RPL7: variants seen among roughly 807,000 people sequenced by gnomAD.
The protein encoded by RPL7 is ribosomal protein L7, also known as large ribosomal subunit protein uL30.
For missense variants in RPL7, 205 were observed against 301.9 expected, an observed-to-expected ratio of 0.68 and a Z score of 2.38; for synonymous variants, 100 against 102.2, an observed-to-expected ratio of 0.98 and a Z score of 0.13.
intron 3 of RPL7, 40 bp from the exon 4 acceptor site, chr8:73,291,950 C>A: frequency 6.3e-6 from 10 of 1,599,326 alleles, no homozygotes; most frequent in Non-Finnish European, 8.6e-6. Context: ...TGCCTTTCAT[C>A]GAAATTTTTA....
chr8:73,292,284 T>C lies in RPL7; in HGVS notation c.245A>G (p.Tyr82Cys), dbSNP rs748941975. The C allele has an allele frequency of 3.5e-5, 56 of 1,612,936 alleles. No individual in the cohort carries two copies. Among genetic ancestry groups the C allele is most frequent in the African/African-American group, 5.3e-5 (4 of 74,798 alleles). The change falls in exon 3 of 7, where the codon TAT (tyrosine) becomes TGT (cysteine). Residue 82 changes from tyrosine (Y) to cysteine (C), a missense_variant. Physicochemically the swap from Tyr to Cys is radical, Grantham distance 194. Transcript: ENST00000352983. ...CGCCAATTTGGGTTCTGCAGGTACA[T>C]AGAAGTTGCCAGCTTTTCTTGCCAT... ...ARMARKAGNFYVPAEPKLAFV... is the reference protein window; with the variant it reads ...ARMARKAGNFCVPAEPKLAFV...
chr8:73,292,686 T>A lies in RPL7; in HGVS notation c.123+3A>T. ...GTGCTAGTGCCTCAAAAAGTTTACT[T>A]ACCATCTTTTGGGCAAACTTCTTTC... On this transcript the variant is annotated splice_donor_region_variant and intron_variant, in intron 2 of 6. Transcript: ENST00000352983. 6.2e-7 allele frequency: 1 copy of A among 1,607,974 alleles called. No individual in the cohort carries two copies. The highest frequency in any genetic ancestry group is 8.5e-7 in the Non-Finnish European group (1 of 1,177,230).
upstream of RPL7, chr8:73,293,637 T>A (rs148142039): frequency 9.2e-5 from 148 of 1,613,432 alleles, no homozygotes; most frequent in East Asian, 3.2e-3. Flanking sequence ...AAAGAGGAAG[T>A]TGGCGCATGC....
chr8:73,291,303 A>C, intron 5 of RPL7, 51 bp from the exon 6 acceptor site: 3 of 1,446,836 alleles, frequency 2.1e-6, no homozygotes, highest in Non-Finnish European at 2.8e-6. Flanking sequence ...AAAGTTTTGA[A>C]ATAATTATTC....
intron 6 of RPL7, 50 bp from the exon 7 acceptor site, chr8:73,290,755 T>G: frequency 3.2e-6 from 1 of 312,868 alleles, no homozygotes. Flanking sequence ...CAGCTAACAA[T>G]TAACATAAAC....
intron 5 of RPL7, 120 bp downstream of exon 5, chr8:73,291,432 G>T: frequency 1.1e-6 from 1 of 898,744 alleles, no homozygotes; most frequent in Admixed American, 2.8e-5. Flanking sequence ...TTTCTTTTAA[G>T]CTAAATCAAG....
Position 73,290,338 on chromosome 8 carries a change from T to C in RPL7, c.*369A>G, listed in dbSNP as rs1814068740. The C allele has an allele frequency of 6.6e-6, 1 of 152,222 alleles. No individual in the cohort carries two copies. Among genetic ancestry groups the C allele is most frequent in the African/African-American group, 2.4e-5 (1 of 41,456 alleles). 9.4% of individuals were successfully genotyped at this position (152,222 alleles called of 1,614,324 possible). On this transcript the variant is annotated 3_prime_UTR_variant, in exon 7 of 7. Coordinates refer to ENST00000352983, the MANE Select transcript of RPL7 (RefSeq NM_000971.4). ...TAGCAACTAAATTCAATTTTTTCCATAAACCAAAGTTGGATTACCTTACCG... is the reference window on the plus strand; with the variant it reads ...TAGCAACTAAATTCAATTTTTTCCACAAACCAAAGTTGGATTACCTTACCG...
At chr8:73,292,615 C>A in intron 2 of RPL7, 74 bp downstream of exon 2, 1 of 1,199,494 alleles carries the variant, frequency 8.3e-7, no homozygotes, top group South Asian at 1.4e-5. Flanking sequence ...TAAATCTTGC[C>A]AAGAACATTC....
At chr8:73,292,647 A>C in intron 2 of RPL7, 42 bp downstream of exon 2, 1 of 1,426,750 alleles carries the variant, frequency 7.0e-7, no homozygotes, top group Non-Finnish European at 9.8e-7. Context: ...AATCCCAATA[A>C]GGCGCCTCCT....
intron 6 of RPL7, 149 bp downstream of exon 6, chr8:73,290,894 G>C: frequency 1.5e-6 from 1 of 650,516 alleles, no homozygotes; most frequent in Non-Finnish European, 2.7e-6. Flanking sequence ...CAAACCAACT[G>C]TAATCATTAA....
In RPL7 at chr8:73,292,719, C is replaced by T. The variant is rs1814132583; in HGVS notation, c.93G>A (p.Lys31=). Residue 31 remains lysine (K), a synonymous_variant, in exon 2 of 7, where the codon AAG becomes AAA. Transcript: ENST00000352983. ...TTTGGGCAAACTTCTTTCTCAGGCGCTTGATCTTCAGCTCTGCGAAATTCC... is the reference window on the plus strand; with the variant it reads ...TTTGGGCAAACTTCTTTCTCAGGCGTTTGATCTTCAGCTCTGCGAAATTCC... ...KRRNFAELKI[K]RLRKKFAQKM... The T allele has an allele frequency of 6.2e-7, 1 of 1,613,676 alleles. No individual in the cohort carries two copies. Among genetic ancestry groups the T allele is most frequent in the Non-Finnish European group, 8.5e-7 (1 of 1,179,882 alleles).
Position 73,292,775 on chromosome 8 carries a change from C to T in RPL7, c.37G>A (p.Ala13Thr), listed in dbSNP as rs1185625920. 2.5e-6 allele frequency: 4 copies of T among 1,611,968 alleles called. No homozygotes were observed. The South Asian group carries it at 3.3e-5, about 13-fold the overall frequency. Residue 13 changes from alanine (A) to threonine (T), a missense_variant, in exon 2 of 7, where the codon GCT becomes ACT. Physicochemically the swap from Ala to Thr is moderately conservative, Grantham distance 58. Transcript: ENST00000352983. Reference sequence around the variant, plus strand: ...TTTTTCTTAAGGGTTTCTGGCACAGCAGGAACCTCCTTCTTCTTCTCTCTA... The same window carrying T: ...TTTTTCTTAAGGGTTTCTGGCACAGTAGGAACCTCCTTCTTCTTCTCTCTA... ...GVEEKKKEVPAVPETLKKKRR... is the reference protein window; with the variant it reads ...GVEEKKKEVPTVPETLKKKRR...
chr8:73,292,000 C>CTGTTTAGG, intron 3 of RPL7, 90 bp from the exon 4 acceptor site: 3 of 1,497,872 alleles, frequency 2.0e-6, no homozygotes, highest in Non-Finnish European at 2.8e-6. Flanking sequence ...CGAATCCTAC[C>CTGTTTAGG]TAAACAGATA....
intron 3 of RPL7, 67 bp from the exon 4 acceptor site, chr8:73,291,977 T>C: frequency 2.6e-6 from 4 of 1,567,460 alleles, no homozygotes; most frequent in East Asian, 2.3e-5. Flanking sequence ...CTAACCATTA[T>C]AGTTTTGAAT....
Position 73,291,577 on chromosome 8 carries a change from A to G in RPL7, c.513T>C (p.Asp171=). 6.3e-7 allele frequency: 1 copy of G among 1,595,828 alleles called. No homozygotes were observed. Among genetic ancestry groups the G allele is most frequent in the Non-Finnish European group, 8.6e-7 (1 of 1,165,916 alleles). The change falls in exon 5 of 7, where the codon GAT becomes GAC. Residue 171 remains aspartate (D), a synonymous_variant. Coordinates refer to ENST00000352983, the MANE Select transcript of RPL7 (RefSeq NM_000971.4). ...CAAGAGATCGAGCAATCAAAGCGTT[A>G]TCTGTCAAAGCAATTCGCTTCTTAT... is the stretch of plus-strand genomic sequence containing the variant. ...KINKKRIALT[D]NALIARSLGK...
In RPL7 at chr8:73,291,177, T is replaced by C. The variant is rs1814086623; in HGVS notation, c.614A>G (p.Asn205Ser). The C allele has an allele frequency of 1.2e-6, 2 of 1,608,498 alleles. No homozygotes were observed. Among genetic ancestry groups the C allele is most frequent in the Non-Finnish European group, 1.7e-6 (2 of 1,175,048 alleles). Reference sequence around the variant, plus strand: ...CAATTTGAAGGGCCACAGGAAGTTATTTGCCTCTTTGAAGCGTTTTCCAAC... The same window carrying C: ...CAATTTGAAGGGCCACAGGAAGTTACTTGCCTCTTTGAAGCGTTTTCCAAC... ...YTVGKRFKEA[N>S]NFLWPFKLSS... is the part of the protein sequence containing the mutation. The change falls in exon 6 of 7, where the codon AAT becomes AGT. Residue 205 changes from asparagine to serine, a missense_variant. Asn to Ser is a conservative substitution (Grantham distance 46). Coordinates refer to ENST00000352983, the MANE Select transcript of RPL7 (RefSeq NM_000971.4).
chr8:73,292,017 C>T (rs1814108797), intron 3 of RPL7, 107 bp from the exon 4 acceptor site: 2 of 1,398,928 alleles, frequency 1.4e-6, no homozygotes, highest in South Asian at 1.3e-5. Flanking sequence ...GATAGGAATC[C>T]TCTCATGTTA....
upstream of RPL7, chr8:73,293,751 A>C (rs565692270): frequency 5.0e-6 from 5 of 990,132 alleles, no homozygotes; most frequent in Non-Finnish European, 7.6e-6. Flanking sequence ...TTGCAGACGC[A>C]AAGAACTCCC....
chr8:73,293,254 C>T, intron 1 of RPL7: 1 of 277,818 alleles, frequency 3.6e-6, no homozygotes, highest in South Asian at 6.2e-5. Context: ...AAAGGCCTGG[C>T]GGCAGGGAGG....
Sources: allele counts gnomAD v4.1 joint callset, GRCh38; gene constraint gnomAD v4.1.1; transcripts MANE v1.5; gene names NCBI Gene and HGNC (gene_info 2026-07-23, HGNC 2026-07-21).